Variants in EPM2A observed in about 807,000 individuals in gnomAD.
EPM2A encodes the protein laforin.
EPM2A carries 21 observed loss-of-function variants against 26.5 expected under a neutral mutation model. That is an observed-to-expected ratio of 0.79 (90% CI 0.56 to 1.14). The LOEUF (loss-of-function observed/expected upper bound fraction) is 1.14, where lower values mean the gene tolerates loss of function less well. Among genes scored for constraint, EPM2A ranks in the 50% most tolerant of loss-of-function variants. The pLI, the probability that EPM2A is intolerant of heterozygous loss-of-function variation, is 0.00. For missense variants in EPM2A, 458 were observed against 440.8 expected, an observed-to-expected ratio of 1.04 and a Z score of -0.35; for synonymous variants, 217 against 177.6, an observed-to-expected ratio of 1.22 and a Z score of -1.76.
chr6:145,562,127 G>GTAA (rs755571602), intron 2 of EPM2A, among the ~76,000 whole-genome samples: 1,538 of 140,258 alleles, frequency 0.011, 24 homozygotes, highest in African/African-American at 0.038. Context: ...ATTACAAAAA[G>GTAA]GAAAAAAAAA....
At chr6:145,442,304 G>GTA (rs1365086092) in intron 4 of EPM2A, among the ~76,000 whole-genome samples, 3 of 152,034 alleles carry the variant, frequency 2.0e-5, no homozygotes, top group African/African-American at 7.2e-5. Context: ...CCCACTCCCG[G>GTA]TACCAATTTA....
At chr6:145,460,632 A>C (rs1779318257) in intron 4 of EPM2A, among the ~76,000 whole-genome samples, 1 of 151,984 alleles carries the variant, frequency 6.6e-6, no homozygotes, top group Non-Finnish European at 1.5e-5. Context: ...ACGAGAGGGA[A>C]GATGCAGAAT....
chr6:145,623,142 G>C (rs966729631), downstream of EPM2A, among the ~76,000 whole-genome samples: 1 of 150,808 alleles, frequency 6.6e-6, no homozygotes, highest in Non-Finnish European at 1.5e-5. Context: ...CTCTGTTATA[G>C]GCACTCCAGG....
intron 4 of EPM2A, among the ~76,000 whole-genome samples, chr6:145,475,624 A>T (rs1051939872): frequency 2.0e-5 from 3 of 152,034 alleles, no homozygotes; most frequent in African/African-American, 4.8e-5. Context: ...AAAAAAAAAA[A>T]TTTAAAAAGA....
chr6:145,494,293 G>T (rs528962182), intron 4 of EPM2A, among the ~76,000 whole-genome samples: 5 of 152,206 alleles, frequency 3.3e-5, no homozygotes, highest in Admixed American at 6.5e-5. Context: ...AGTAGTCTCT[G>T]GTGTTTGTTG....
At chr6:145,491,137 A>G (rs1779749136) in intron 4 of EPM2A, 1 of 562,644 alleles carries the variant, frequency 1.8e-6, no homozygotes, top group African/African-American at 1.9e-5. Flanking sequence ...ATTTTCCTCT[A>G]ATGGAGCTGA....
chr6:145,635,255 C>A lies in EPM2A; in HGVS notation c.708G>T (p.Met236Ile). The change falls in exon 3 of 4, where the codon ATG (methionine) becomes ATT (isoleucine). Residue 236 changes from methionine to isoleucine, a missense_variant. Coordinates refer to ENST00000367519, the MANE Select transcript of EPM2A (RefSeq NM_005670.4). ...LAYIWMPTPDMSTEGRVQMLP... is the reference protein window; with the variant it reads ...LAYIWMPTPDISTEGRVQMLP... ...AGTTCTGATCCTTACCTTCGGTGCT[C>A]ATATCTGGTGTTGGCATCCAGATGT... is the stretch of plus-strand genomic sequence containing the variant. 1 of 1,614,156 alleles carries A rather than the reference C, an allele frequency of 6.2e-7. No individual in the cohort carries two copies. Among genetic ancestry groups the A allele is most frequent in the South Asian group, 1.1e-5 (1 of 91,072 alleles).
Position 145,467,566 on chromosome 6 carries a change from TC to T in EPM2A, c.555+34955del, listed in dbSNP as rs540043418. Among the ~76,000 whole-genome samples, 270 of 152,264 alleles carry T rather than the reference TC, an allele frequency of 1.8e-3. 2 individuals are homozygous for T. The highest frequency in any genetic ancestry group is 6.3e-3 in the African/African-American group (261 of 41,562). The stretch of plus-strand genomic sequence containing the variant: ...CCACTTTTTGATATTTTCAAAATAG[TC>T]TTGGCTATTATTACATTTTTCTCTT... On this transcript the variant is annotated intron_variant, in intron 4 of 4. Coordinates refer to the EPM2A transcript ENST00000638717.
intron 1 of EPM2A, among the ~76,000 whole-genome samples, chr6:145,706,645 T>C (rs1049234882): frequency 6.6e-6 from 1 of 152,076 alleles, no homozygotes; most frequent in African/African-American, 2.4e-5. Flanking sequence ...AGACAACACA[T>C]AGAGATTAAA....
In EPM2A at chr6:145,664,196, T is replaced by G. The variant is rs1778968388; in HGVS notation, c.476+21926A>C. ...CTTTAAATGTAAATGGACTAAATTC[T>G]CCAATTAAAAGACACAGACTGGCAA... On this transcript the variant is annotated intron_variant, in intron 2 of 3. Transcript: ENST00000367519. Among the ~76,000 whole-genome samples the G allele has an allele frequency of 2.3e-5, 2 of 85,778 alleles. 1 individual carries two copies. The highest frequency in any genetic ancestry group is 4.6e-5 in the Non-Finnish European group (2 of 43,312). The allele number at this position is 85,778 out of a possible 152,430, so 56.3% of individuals were successfully genotyped here. A position where few individuals can be genotyped will look rare whatever the true frequency, so the allele number is the denominator to read the frequency against.
At position 145,735,266 on chromosome 6, in the gene EPM2A, G is replaced by A. The variant is rs1330511346; in HGVS notation, c.233C>T (p.Pro78Leu). 6.6e-7 allele frequency: 1 copy of A among 1,517,506 alleles called. No individual in the cohort carries two copies. Among genetic ancestry groups the A allele is most frequent in the Non-Finnish European group, 8.8e-7 (1 of 1,131,326 alleles). The allele number at this position is 1,517,506 out of a possible 1,614,324, so 94.0% of individuals were successfully genotyped here. Residue 78 changes from proline to leucine, a missense_variant, in exon 1 of 4, where the codon CCG becomes CTG. Coordinates refer to ENST00000367519, the MANE Select transcript of EPM2A (RefSeq NM_005670.4). ...AEEAAQDGAEPGRVDTFWYKF... is the reference protein window; with the variant it reads ...AEEAAQDGAELGRVDTFWYKF... ...GTACCAGAACGTGTCCACGCGGCCC[G>A]GCTCCGCCCCGTCCTGCGCCGCCTC...
intron 1 of EPM2A, among the ~76,000 whole-genome samples, chr6:145,730,310 C>G (rs1399685658): frequency 6.6e-6 from 1 of 152,210 alleles, no homozygotes; most frequent in Non-Finnish European, 1.5e-5. Context: ...TGGAGGTATT[C>G]TGGTGAACAT....
intron 2 of EPM2A, among the ~76,000 whole-genome samples, chr6:145,601,276 C>T (rs1267079250): frequency 6.6e-6 from 1 of 152,136 alleles, no homozygotes; most frequent in Non-Finnish European, 1.5e-5. Context: ...TCTCAGAATC[C>T]ACTTCACCTG....
intron 4 of EPM2A, among the ~76,000 whole-genome samples, chr6:145,458,315 C>T (rs916846032): frequency 5.2e-5 from 7 of 133,942 alleles, no homozygotes; most frequent in African/African-American, 2.0e-4. Flanking sequence ...TTGGGAAGGC[C>T]GAACGCTATT....
intron 4 of EPM2A, among the ~76,000 whole-genome samples, chr6:145,434,479 C>T (rs1289615314): frequency 6.6e-6 from 1 of 152,034 alleles, no homozygotes; most frequent in Non-Finnish European, 1.5e-5. Context: ...GTGGCACTTC[C>T]TCCTCTCTGC....
intron 4 of EPM2A, among the ~76,000 whole-genome samples, chr6:145,406,486 A>G (rs1778571298): frequency 6.6e-6 from 1 of 152,168 alleles, no homozygotes; most frequent in African/African-American, 2.4e-5. Context: ...AAGTGGTAGT[A>G]AGAATGATGT....
intron 4 of EPM2A, among the ~76,000 whole-genome samples, chr6:145,408,137 T>C (rs1778594271): frequency 1.3e-5 from 2 of 152,170 alleles, no homozygotes; most frequent in Admixed American, 1.3e-4. Flanking sequence ...TTGGAATATA[T>C]CTCTTATTTC....
At chr6:145,536,258 T>A (rs112357848) in intron 2 of EPM2A, among the ~76,000 whole-genome samples, 2 of 145,350 alleles carry the variant, frequency 1.4e-5, no homozygotes, top group African/African-American at 5.3e-5. Flanking sequence ...TTTTTGTTTT[T>A]GTTTTTGTTT....
intron 1 of EPM2A, among the ~76,000 whole-genome samples, chr6:145,734,372 C>T (rs1454677802): frequency 1.3e-5 from 2 of 151,734 alleles, no homozygotes; most frequent in African/African-American, 4.8e-5. Context: ...AAAGTATATG[C>T]ATATATCACA....
Sources: gnomAD v4.1 joint callset for allele counts (sites outside exome capture counted in the v4.1 genomes callset) on GRCh38, gnomAD v4.1.1 for gene constraint, MANE v1.5 for transcripts, NCBI Gene and HGNC (gene_info 2026-07-23, HGNC 2026-07-21) for gene names.